Variants in VPS41 observed in about 807,000 individuals in gnomAD.
The protein encoded by VPS41 is VPS41 subunit of HOPS complex.
Under a neutral mutation model 130.9 loss-of-function variants are expected in VPS41, and 85 were observed. The observed-to-expected ratio is 0.65, with a 90% confidence interval of 0.55 to 0.78. The LOEUF (loss-of-function observed/expected upper bound fraction) is 0.78, where lower values mean the gene tolerates loss of function less well. VPS41 is among the 30% of genes least tolerant of loss of function. The pLI, the probability that VPS41 is intolerant of heterozygous loss-of-function variation, is 0.00. For missense variants in VPS41, 874 were observed against 1,018.7 expected, an observed-to-expected ratio of 0.86 and a Z score of 1.93; for synonymous variants, 335 against 332.9, an observed-to-expected ratio of 1.01 and a Z score of -0.07.
At chr7:38,885,646 A>AT (rs1786709749) in intron 2 of VPS41, among the ~76,000 whole-genome samples, 1 of 152,246 alleles carries the variant, frequency 6.6e-6, no homozygotes, top group Non-Finnish European at 1.5e-5. Context: ...AGGACTCAGC[A>AT]TAACATGAGG....
intron 25 of VPS41, chr7:38,741,209 G>A (rs1283840551): frequency 8.6e-6 from 2 of 233,216 alleles, no homozygotes; most frequent in South Asian, 5.5e-5. Flanking sequence ...TGCAAAAATT[G>A]TTTCTAGGAA....
At chr7:38,818,409 A>C (rs1264303710) in intron 6 of VPS41, among the ~76,000 whole-genome samples, 2 of 152,116 alleles carry the variant, frequency 1.3e-5, no homozygotes, top group Non-Finnish European at 2.9e-5. Flanking sequence ...CAAAGAGCTA[A>C]CCGTTCAGGA....
chr7:38,834,347 T>C (rs930214657), intron 4 of VPS41, among the ~76,000 whole-genome samples: 1 of 152,234 alleles, frequency 6.6e-6, no homozygotes, highest in Non-Finnish European at 1.5e-5. Context: ...GGTCTTAATA[T>C]TCCTTTGACA....
rs185923767 is a variant in VPS41 at position 38,770,257 on chromosome 7, G to A, written c.1185+941C>T. On this transcript the variant is annotated intron_variant, in intron 14 of 28. Transcript: ENST00000310301. ...GCACTCCAGCCTGGGCAACGAGAGC[G>A]AAACTCCGTCTCAAAAAAAAAAAAA... Among the ~76,000 whole-genome samples the A allele has an allele frequency of 7.3e-5, 10 of 137,562 alleles. No individual in the cohort carries two copies. The South Asian group carries it at 9.0e-4, about 12-fold the overall frequency. 90.2% of individuals were successfully genotyped at this position (137,562 alleles called of 152,430 possible).
intron 4 of VPS41, among the ~76,000 whole-genome samples, chr7:38,851,854 T>C (rs1785862709): frequency 1.3e-5 from 2 of 152,322 alleles, no homozygotes; most frequent in South Asian, 4.1e-4. Flanking sequence ...ATTCTAAAGG[T>C]ATATTTAGTG....
intron 2 of VPS41, among the ~76,000 whole-genome samples, chr7:38,870,375 T>C (rs1325426543): frequency 6.6e-6 from 1 of 152,140 alleles, no homozygotes; most frequent in Admixed American, 6.5e-5. Flanking sequence ...TCAAGAGGCA[T>C]CGGGAAATTG....
intron 25 of VPS41, among the ~76,000 whole-genome samples, chr7:38,740,183 C>T (rs1795854332): frequency 6.6e-6 from 1 of 152,166 alleles, no homozygotes; most frequent in African/African-American, 2.4e-5. Context: ...TACTACTTCC[C>T]TTGGGGGAGG....
At chr7:38,783,204 T>C (rs1489270720) in intron 10 of VPS41, among the ~76,000 whole-genome samples, 2 of 152,068 alleles carry the variant, frequency 1.3e-5, no homozygotes, top group African/African-American at 4.8e-5. Context: ...GACTAAGACC[T>C]GACCCTAACT....
At chr7:38,762,583 GTTTGT>G (rs1274793455) in intron 17 of VPS41, among the ~76,000 whole-genome samples, 2 of 152,128 alleles carry the variant, frequency 1.3e-5, no homozygotes, top group Admixed American at 1.3e-4. Context: ...GAGAAGTACA[GTTTGT>G]TTTTTGTAAT....
intron 18 of VPS41, among the ~76,000 whole-genome samples, chr7:38,757,997 T>G (rs1783836638): frequency 6.6e-6 from 1 of 152,178 alleles, no homozygotes; most frequent in African/African-American, 2.4e-5. Flanking sequence ...TTTGAGAGAT[T>G]AAATTAACTG....
At chr7:38,883,313 C>T (rs1015267683) in intron 2 of VPS41, among the ~76,000 whole-genome samples, 12 of 152,114 alleles carry the variant, frequency 7.9e-5, no homozygotes, top group African/African-American at 2.7e-4. Flanking sequence ...TCTTAGCTGC[C>T]CATTACTTCT....
chr7:38,760,449 T>C (rs937347205), intron 17 of VPS41, among the ~76,000 whole-genome samples: 8 of 152,294 alleles, frequency 5.3e-5, no homozygotes, highest in Admixed American at 6.5e-5. Flanking sequence ...GATGAATGCA[T>C]AATTGACTTT....
intron 5 of VPS41, among the ~76,000 whole-genome samples, chr7:38,822,133 C>A (rs1034825228): frequency 2.6e-5 from 4 of 152,164 alleles, no homozygotes; most frequent in African/African-American, 4.8e-5. Flanking sequence ...TTCCAGGCTA[C>A]TTTATTCATA....
chr7:38,894,804 C>A (rs936469731), intron 2 of VPS41, among the ~76,000 whole-genome samples: 3 of 152,058 alleles, frequency 2.0e-5, no homozygotes, highest in Non-Finnish European at 4.4e-5. Context: ...GCACTGGAGG[C>A]TAGACAGCAA....
chr7:38,877,581 A>C (rs1476678800), intron 2 of VPS41, among the ~76,000 whole-genome samples: 1 of 152,156 alleles, frequency 6.6e-6, no homozygotes, highest in Admixed American at 6.5e-5. Flanking sequence ...TTTGTTTGAG[A>C]GGAGATTAAA....
At chr7:38,811,798 A>G (rs1217887739) in intron 7 of VPS41, among the ~76,000 whole-genome samples, 2 of 151,982 alleles carry the variant, frequency 1.3e-5, no homozygotes, top group African/African-American at 2.4e-5. Flanking sequence ...AAGAACCCCA[A>G]ACCAAAGTTT....
chr7:38,888,368 G>A (rs1422512611), intron 2 of VPS41, among the ~76,000 whole-genome samples: 2 of 152,096 alleles, frequency 1.3e-5, no homozygotes, highest in African/African-American at 4.8e-5. Context: ...AAAAGCAGGG[G>A]TTGCAATCCT....
chr7:38,761,424 T>C (rs920781365), intron 17 of VPS41, among the ~76,000 whole-genome samples: 1 of 151,024 alleles, frequency 6.6e-6, no homozygotes, highest in Non-Finnish European at 1.5e-5. Context: ...TACAGGTGCA[T>C]GCCACCATGC....
At chr7:38,850,144 A>G (rs950372188) in intron 4 of VPS41, among the ~76,000 whole-genome samples, 9 of 152,208 alleles carry the variant, frequency 5.9e-5, no homozygotes, top group African/African-American at 1.4e-4. Flanking sequence ...TATGCCTTCC[A>G]CCCTGGAGGA....
Sources: allele counts gnomAD v4.1 joint callset (sites outside exome capture counted in the v4.1 genomes callset), GRCh38; gene constraint gnomAD v4.1.1; transcripts MANE v1.5; gene names NCBI Gene and HGNC (gene_info 2026-07-23, HGNC 2026-07-21).